EPN2: variants seen among roughly 807,000 people sequenced by gnomAD.
The protein encoded by EPN2 is epsin-2.
Under a neutral mutation model 61.7 loss-of-function variants are expected in EPN2, and 34 were observed. The ratio of observed to expected loss-of-function variants is 0.55; its 90% CI spans 0.42 to 0.73. The LOEUF (loss-of-function observed/expected upper bound fraction) is 0.73, where lower values mean the gene tolerates loss of function less well. Among genes scored for constraint, EPN2 ranks in the 30% least tolerant of loss-of-function variants. The pLI is 0.00. For missense variants in EPN2, 714 were observed against 839.2 expected, an observed-to-expected ratio of 0.85 and a Z score of 1.84; for synonymous variants, 349 against 353.6, an observed-to-expected ratio of 0.99 and a Z score of 0.15.
chr17:19,314,316 C>CA (rs1906284558), intron 7 of EPN2, among the ~76,000 whole-genome samples: 1 of 49,664 alleles, frequency 2.0e-5, no homozygotes, highest in African/African-American at 6.9e-5. Flanking sequence ...TACAGGAGTC[C>CA]AGGAGTGTGA....
intron 1 of EPN2, among the ~76,000 whole-genome samples, chr17:19,246,677 C>T (rs142182592): frequency 2.9e-4 from 44 of 149,910 alleles, no homozygotes; most frequent in African/African-American, 1.0e-3. Context: ...CCCTTCCGCC[C>T]CCCCCAAAAA....
chr17:19,330,523 G>C (rs1236120160), intron 9 of EPN2: 1 of 152,290 alleles, frequency 6.6e-6, no homozygotes, highest in East Asian at 1.9e-4. Context: ...AGAGCTCCCA[G>C]CTGAGAGACC....
Position 19,328,905 on chromosome 17 carries a change from C to A in EPN2, c.1324+18C>A, listed in dbSNP as rs767028191. On this transcript the variant is annotated intron_variant, in intron 8 of 10. Coordinates refer to ENST00000314728, the MANE Select transcript of EPN2 (RefSeq NM_014964.5). ...TGTCTCTGGTGAGCCCCTCACTCAC[C>A]CACTTTCCTGCCTGGCCTCTGAGCG... 4 of 1,594,424 alleles carry A rather than the reference C, an allele frequency of 2.5e-6. No homozygotes were observed. Among genetic ancestry groups the A allele is most frequent in the Middle Eastern group, 1.7e-4 (1 of 5,746 alleles).
intron 1 of EPN2, chr17:19,274,001 A>C (rs557197248): frequency 6.6e-6 from 1 of 152,262 alleles, no homozygotes; most frequent in East Asian, 1.9e-4. Flanking sequence ...GGTCTCAGCT[A>C]CCCCAACTGG....
chr17:19,322,740 TAAAAA>T (rs59626137), intron 7 of EPN2, among the ~76,000 whole-genome samples: 2 of 102,724 alleles, frequency 1.9e-5, no homozygotes, highest in East Asian at 5.5e-4. Context: ...AACCTGTCTC[TAAAAA>T]AAAAAAAAAA....
intron 5 of EPN2, among the ~76,000 whole-genome samples, chr17:19,310,697 C>T (rs1203797329): frequency 1.3e-5 from 2 of 149,190 alleles, no homozygotes; most frequent in East Asian, 2.1e-4. Context: ...CGTGCCTCAG[C>T]GTCCCGAGTA....
chr17:19,256,141 G>GCA, intron 1 of EPN2, among the ~76,000 whole-genome samples: 1 of 151,908 alleles, frequency 6.6e-6, no homozygotes, highest in Non-Finnish European at 1.5e-5. Context: ...GTTTCACCAT[G>GCA]TTAGCCAGGA....
chr17:19,252,929 G>T (rs763398954), intron 1 of EPN2, among the ~76,000 whole-genome samples: 1 of 152,188 alleles, frequency 6.6e-6, no homozygotes, highest in Non-Finnish European at 1.5e-5. Context: ...ACTCCTGAGT[G>T]CAAGAGATCT....
chr17:19,240,703 C>G (rs889886982), intron 1 of EPN2, among the ~76,000 whole-genome samples: 2 of 152,206 alleles, frequency 1.3e-5, no homozygotes, highest in Non-Finnish European at 2.9e-5. Flanking sequence ...GCCCCTTTTT[C>G]TCTGCTATCC....
intron 4 of EPN2, among the ~76,000 whole-genome samples, chr17:19,307,635 G>C (rs1464417901): frequency 1.3e-5 from 2 of 152,206 alleles, no homozygotes; most frequent in Non-Finnish European, 2.9e-5. Flanking sequence ...GAGCCACTGT[G>C]CCCGGCCCGT....
At chr17:19,330,961 G>A (rs921919469) in intron 9 of EPN2, among the ~76,000 whole-genome samples, 7 of 152,148 alleles carry the variant, frequency 4.6e-5, no homozygotes, top group Admixed American at 3.9e-4. Flanking sequence ...TTGATCGATC[G>A]CCCAGGCTGG....
chr17:19,279,578 A>G (rs1195481246), intron 1 of EPN2, among the ~76,000 whole-genome samples: 1 of 150,826 alleles, frequency 6.6e-6, no homozygotes, highest in Non-Finnish European at 1.5e-5. Context: ...AGCTGGGACT[A>G]CAGGCGCCCG....
At chr17:19,331,033 T>C (rs1402310694) in intron 9 of EPN2, among the ~76,000 whole-genome samples, 1 of 152,174 alleles carries the variant, frequency 6.6e-6, no homozygotes, top group East Asian at 1.9e-4. Context: ...TCTTTTTTGC[T>C]CAGCTCATAT....
intron 4 of EPN2, among the ~76,000 whole-genome samples, chr17:19,289,334 T>G (rs951199582): frequency 9.2e-5 from 14 of 152,096 alleles, no homozygotes; most frequent in Admixed American, 5.2e-4. Flanking sequence ...TCCGCCCACC[T>G]TGGCCTCCCA....
intron 1 of EPN2, among the ~76,000 whole-genome samples, chr17:19,242,527 A>C (rs145662205): frequency 6.6e-6 from 1 of 152,304 alleles, no homozygotes; most frequent in Admixed American, 6.5e-5. Context: ...TCATTCCCCT[A>C]GTACCTAGGT....
At chr17:19,237,629 C>T (rs902281869) in intron 1 of EPN2, 98 bp downstream of exon 1, 12 of 152,264 alleles carry the variant, frequency 7.9e-5, no homozygotes, top group African/African-American at 2.4e-4. Context: ...GCACAGGCTC[C>T]CCTACCTCAC....
rs926551788 is a variant in EPN2, at chr17:19,308,264, G to A, written c.767-1621G>A. 2.6e-5 allele frequency: 17 copies of A among 659,504 alleles called. No individual in the cohort carries two copies. In the African/African-American group the frequency reaches 2.8e-4, roughly 11 times the overall value. 40.9% of individuals were successfully genotyped at this position (659,504 alleles called of 1,614,324 possible). On this transcript the variant is annotated intron_variant, in intron 4 of 10. Coordinates refer to ENST00000314728, the MANE Select transcript of EPN2 (RefSeq NM_014964.5). ...AATTTTTGTGTTTTTAGTAGAGACCGGGTTTTACCATTTTGGCCAGGCTTG... is the reference window on the plus strand; with the variant it reads ...AATTTTTGTGTTTTTAGTAGAGACCAGGTTTTACCATTTTGGCCAGGCTTG...
At chr17:19,253,688 T>G (rs943976135) in intron 1 of EPN2, among the ~76,000 whole-genome samples, 3 of 152,186 alleles carry the variant, frequency 2.0e-5, no homozygotes, top group Admixed American at 6.5e-5. Context: ...TGTGAGCCAC[T>G]GTGCCTGGCC....
chr17:19,289,724 G>GTTTTTTTTTTTTTTTTTTTTTTT lies in EPN2; in HGVS notation c.766+3954_766+3955insTTTTTTTTTTTTTTTTTTTTTTT, dbSNP rs58087532. On this transcript the variant is annotated intron_variant, in intron 4 of 10. Transcript: ENST00000314728. Reference sequence around the variant, plus strand: ...TGTTCGGCCTCACCTGGCGCTCATGGTTTTTTTTTTTTTTTTTTTTGAGAT... The same window carrying GTTTTTTTTTTTTTTTTTTTTTTT: ...TGTTCGGCCTCACCTGGCGCTCATGGTTTTTTTTTTTTTTTTTTTTTTTTTTTTTTTTTTTTTTTTTTTGAGAT... 6.9e-4 allele frequency among the ~76,000 whole-genome samples: 54 copies of GTTTTTTTTTTTTTTTTTTTTTTT among 78,042 alleles called. 8 individuals are homozygous for GTTTTTTTTTTTTTTTTTTTTTTT. Among genetic ancestry groups the GTTTTTTTTTTTTTTTTTTTTTTT allele is most frequent in the East Asian group, 2.9e-3 (5 of 1,734 alleles). 51.2% of individuals were successfully genotyped at this position (78,042 alleles called of 152,430 possible).
Sources: allele counts gnomAD v4.1 joint callset (sites outside exome capture counted in the v4.1 genomes callset), GRCh38; gene constraint gnomAD v4.1.1; transcripts MANE v1.5; gene names NCBI Gene and HGNC (gene_info 2026-07-23, HGNC 2026-07-21).